The following SKIDA1 variants were observed in gnomAD, a reference collection of about 807,000 sequenced individuals.
SKIDA1 encodes the protein SKI/DACH domain containing 1.
In SKIDA1, 18 loss-of-function variants were observed where a neutral mutation model predicts 51.4. The ratio of observed to expected loss-of-function variants is 0.35; its 90% CI spans 0.24 to 0.52. The LOEUF (loss-of-function observed/expected upper bound fraction) is 0.52, where lower values mean the gene tolerates loss of function less well. Ranked by LOEUF, SKIDA1 falls within the 20% of genes least tolerant of loss-of-function variation. The pLI, the probability that SKIDA1 is intolerant of heterozygous loss-of-function variation, is 0.95. For missense variants in SKIDA1, 1,104 were observed against 1,180.6 expected (o/e 0.94, Z 0.95); for synonymous variants, 579 against 500.5 (o/e 1.16, Z -2.09).
Position 21,516,472 on chromosome 10 carries a change from C to G in SKIDA1, c.1351G>C (p.Asp451His). Residue 451 changes from aspartate to histidine, a missense_variant, in exon 4 of 4, where the codon GAC (aspartate) becomes CAC (histidine). This residue lies in a region of SKIDA1 where 938 missense variants were observed against 886.4 expected (regional missense o/e 1.06). Coordinates refer to ENST00000449193, the MANE Select transcript of SKIDA1 (RefSeq NM_207371.4). This position sits in a 1 kb window ranked among gnomAD's most constrained non-coding sequence, Gnocchi z 5.7. ...SEEEDSSTESDSSSGSSQVSV... is the reference protein window; with the variant it reads ...SEEEDSSTESHSSSGSSQVSV... ...ACTTGGCTGGAGCCGGAGCTGGAGT[C>G]CGACTCGGTGGACGAGTCCTCCTCC... The G allele has an allele frequency of 1.2e-6, 2 of 1,610,994 alleles. No individual in the cohort carries two copies. The highest frequency in any genetic ancestry group is 1.7e-6 in the Non-Finnish European group (2 of 1,179,244).
At position 21,517,126 on chromosome 10, in the gene SKIDA1, C is replaced by CA. The variant is rs2032260528; in HGVS notation, c.696_697insT (p.Ala233CysfsTer206). On this transcript the variant is annotated frameshift_variant, in exon 4 of 4. Coordinates refer to ENST00000449193, the MANE Select transcript of SKIDA1 (RefSeq NM_207371.4). LOFTEE classifies it high-confidence loss of function. The surrounding 1 kb of genome is among the most constrained non-coding windows in gnomAD (Gnocchi z 6.9). ...GCGGCGGCGGCGGCGGCGGCAGCAGCGGCGGCGGCGGCGGCGGCGGCGGCT... is the reference window on the plus strand; with the variant it reads ...GCGGCGGCGGCGGCGGCGGCAGCAGCAGGCGGCGGCGGCGGCGGCGGCGGCT... 8.8e-7 allele frequency: 1 copy of CA among 1,137,908 alleles called. No individual in the cohort carries two copies. The highest frequency in any genetic ancestry group is 1.8e-5 in the African/African-American group (1 of 56,196). The allele number at this position is 1,137,908 out of a possible 1,614,324, so 70.5% of individuals were successfully genotyped here. A position where few individuals can be genotyped will look rare whatever the true frequency, so the allele number is the denominator to read the frequency against.
In SKIDA1 at chr10:21,513,633, CTTTGAT is replaced by C. The variant is rs1356909544; in HGVS notation, c.*1457_*1462del. ...ACCCTAGCATTTGCATGTTGAACTA[CTTTGAT>C]TTTAAGTGCAAATATAGATAGTCAC... On this transcript the variant is annotated 3_prime_UTR_variant, in exon 4 of 4. Coordinates refer to ENST00000449193, the MANE Select transcript of SKIDA1 (RefSeq NM_207371.4). The C allele has an allele frequency of 1.3e-5, 2 of 152,638 alleles. No homozygotes were observed. Among genetic ancestry groups the C allele is most frequent in the Admixed American group, 6.5e-5 (1 of 15,286 alleles). The allele number at this position is 152,638 out of a possible 1,614,324, so 9.5% of individuals were successfully genotyped here. A position where few individuals can be genotyped will look rare whatever the true frequency, so the allele number is the denominator to read the frequency against.
chr10:21,515,916 G>C lies in SKIDA1; in HGVS notation c.1907C>G (p.Ser636Cys). ...AAATTCAGGACAATGAAGGATTTTGGAATATTTTTCTGAATTTGCTTCTGC... is the reference window on the plus strand; with the variant it reads ...AAATTCAGGACAATGAAGGATTTTGCAATATTTTTCTGAATTTGCTTCTGC... Reference protein sequence around the residue: ...SGAEANSEKYSKILHCPEFAT... With the variant: ...SGAEANSEKYCKILHCPEFAT... The change falls in exon 4 of 4, where the codon TCC becomes TGC. Residue 636 changes from serine (S) to cysteine (C), a missense_variant. Ser to Cys is a moderately radical substitution (Grantham distance 112). Transcript: ENST00000449193. The C allele has an allele frequency of 6.2e-7, 1 of 1,614,004 alleles. No individual in the cohort carries two copies. The highest frequency in any genetic ancestry group is 2.2e-5 in the East Asian group (1 of 44,884).
In SKIDA1 at chr10:21,515,996, G is replaced by C; in HGVS notation, c.1827C>G (p.His609Gln). The change falls in exon 4 of 4, where the codon CAC (histidine) becomes CAG (glutamine). Residue 609 changes from histidine (H) to glutamine (Q), a missense_variant. Physicochemically the swap from His to Gln is conservative, Grantham distance 24 (BLOSUM62 0). Transcript: ENST00000449193. Reference protein sequence around the residue: ...RKCLQTTPTTHCADNNTIAAR... With the variant: ...RKCLQTTPTTQCADNNTIAAR... ...CAGCTATTGTGTTGTTATCTGCACA[G>C]TGTGTAGTAGGAGTTGTTTGTAGGC... 6.2e-7 allele frequency: 1 copy of C among 1,614,058 alleles called. No homozygotes were observed. Among genetic ancestry groups the C allele is most frequent in the Non-Finnish European group, 8.5e-7 (1 of 1,179,900 alleles).
chr10:21,523,759 A>C lies in SKIDA1; in HGVS notation c.-2005T>G, dbSNP rs1047422211. On this transcript the variant is annotated 5_prime_UTR_variant, in exon 2 of 4. Transcript: ENST00000449193. ...GGAGAGACAAGACATGAGGAGCCTG[A>C]TGGTCTCTGGAAAGGGAATCCTCTT... 2 of 152,118 alleles carry C rather than the reference A, an allele frequency of 1.3e-5. No individual in the cohort carries two copies. Among genetic ancestry groups the C allele is most frequent in the African/African-American group, 4.8e-5 (2 of 41,406 alleles). The allele number at this position is 152,118 out of a possible 1,614,324, so 9.4% of individuals were successfully genotyped here. A position where few individuals can be genotyped will look rare whatever the true frequency, so the allele number is the denominator to read the frequency against.
chr10:21,517,639 C>T lies in SKIDA1; in HGVS notation c.184G>A (p.Glu62Lys), dbSNP rs767830777. 1.9e-6 allele frequency: 3 copies of T among 1,613,964 alleles called. No homozygotes were observed. Among genetic ancestry groups the T allele is most frequent in the Middle Eastern group, 1.6e-4 (1 of 6,062 alleles). The change falls in exon 4 of 4, where the codon GAG becomes AAG. Residue 62 changes from glutamate (E) to lysine (K), a missense_variant. By Grantham distance (56) the Glu-to-Lys change is moderately conservative. Transcript: ENST00000449193. The surrounding 1 kb of genome is among the most constrained non-coding windows in gnomAD (Gnocchi z 6.9). The part of the protein sequence containing the change: ...LKVKKHHCDL[E>K]ELRKLKAINS... ...ATTGCCTTGAGTTTCCGCAACTCCTCCAGATCGCAGTGGTGCTTCTTCACT... is the reference window on the plus strand; with the variant it reads ...ATTGCCTTGAGTTTCCGCAACTCCTTCAGATCGCAGTGGTGCTTCTTCACT...
chr10:21,522,291 C>CCT (rs1398878067), intron 2 of SKIDA1, among the ~76,000 whole-genome samples: 1 of 52,114 alleles, frequency 1.9e-5, no homozygotes. Context: ...CCCCCCCCCC[C>CCT]GCCACCAGCT....
chr10:21,517,121 A>AGCGGCGGCGGCGGCG lies in SKIDA1; in HGVS notation c.701_702insCGCCGCCGCCGCCGC (p.Ala240_Ala244dup), dbSNP rs1564334998. On this transcript the variant is annotated inframe_insertion, in exon 4 of 4. Transcript: ENST00000449193. The surrounding 1 kb of genome is among the most constrained non-coding windows in gnomAD (Gnocchi z 6.9). Reference sequence around the variant, plus strand: ...CGGCGGCGGCGGCGGCGGCGGCGGCAGCAGCGGCGGCGGCGGCGGCGGCGG... The same window carrying AGCGGCGGCGGCGGCG: ...CGGCGGCGGCGGCGGCGGCGGCGGCAGCGGCGGCGGCGGCGGCAGCGGCGGCGGCGGCGGCGGCGG... 9.3e-7 allele frequency: 1 copy of AGCGGCGGCGGCGGCG among 1,075,600 alleles called. No homozygotes were observed. Among genetic ancestry groups the AGCGGCGGCGGCGGCG allele is most frequent in the African/African-American group, 1.9e-5 (1 of 52,252 alleles). 66.6% of individuals were successfully genotyped at this position (1,075,600 alleles called of 1,614,324 possible).
chr10:21,517,090 AGGCGGCGGCGGCGGCGGC>A lies in SKIDA1; in HGVS notation c.715_732del (p.Ala239_Ala244del), dbSNP rs528652346. On this transcript the variant is annotated inframe_deletion, in exon 4 of 4. Coordinates refer to ENST00000449193, the MANE Select transcript of SKIDA1 (RefSeq NM_207371.4). This position sits in a 1 kb window ranked among gnomAD's most constrained non-coding sequence, Gnocchi z 6.9. The stretch of plus-strand genomic sequence containing the variant: ...GGCCCGGCCGCCGATACCTGGTAAT[AGGCGGCGGCGGCGGCGGC>A]GGCGGCGGCGGCAGCAGCGGCGGCG... The A allele has an allele frequency of 7.1e-6, 7 of 986,050 alleles. 1 individual carries two copies. Among genetic ancestry groups the A allele is most frequent in the African/African-American group, 4.0e-5 (2 of 49,602 alleles). 61.1% of individuals were successfully genotyped at this position (986,050 alleles called of 1,614,324 possible).
chr10:21,517,042 C>A lies in SKIDA1; in HGVS notation c.781G>T (p.Ala261Ser). The A allele has an allele frequency of 9.8e-7, 1 of 1,018,262 alleles. No homozygotes were observed. The highest frequency in any genetic ancestry group is 4.2e-5 in the South Asian group (1 of 24,060). 63.1% of individuals were successfully genotyped at this position (1,018,262 alleles called of 1,614,324 possible). Reference sequence around the variant, plus strand: ...TAGCTCAGGCTCCCCGGGCCTCCGGCGCCCGCCGCTGCCTTGGGCTGGGGC... The same window carrying A: ...TAGCTCAGGCTCCCCGGGCCTCCGGAGCCCGCCGCTGCCTTGGGCTGGGGC... ...AGPQPKAAAG[A>S]GGPGSLSYRC... The change falls in exon 4 of 4, where the codon GCC becomes TCC. Residue 261 changes from alanine (A) to serine (S), a missense_variant. By Grantham distance (99) the Ala-to-Ser change is moderately conservative. Coordinates refer to ENST00000449193, the MANE Select transcript of SKIDA1 (RefSeq NM_207371.4). This position sits in a 1 kb window ranked among gnomAD's most constrained non-coding sequence, Gnocchi z 6.9.
chr10:21,517,010 G>C lies in SKIDA1; in HGVS notation c.813C>G (p.Cys271Trp). The change falls in exon 4 of 4, where the codon TGC (cysteine) becomes TGG (tryptophan). Residue 271 changes from cysteine to tryptophan, a missense_variant. Physicochemically the swap from Cys to Trp is radical, Grantham distance 215. This residue lies in a region of SKIDA1 where 938 missense variants were observed against 886.4 expected (regional missense o/e 1.06). Transcript: ENST00000449193. This position sits in a 1 kb window ranked among gnomAD's most constrained non-coding sequence, Gnocchi z 6.9. Reference sequence around the variant, plus strand: ...CCTTGGCGCCGCCGCGCTTGCGCTTGCAGCGGTAGCTCAGGCTCCCCGGGC... The same window carrying C: ...CCTTGGCGCCGCCGCGCTTGCGCTTCCAGCGGTAGCTCAGGCTCCCCGGGC... ...AGGPGSLSYR[C>W]KRKRGGAKDC... 9.0e-7 allele frequency: 1 copy of C among 1,116,032 alleles called. No individual in the cohort carries two copies. 69.1% of individuals were successfully genotyped at this position (1,116,032 alleles called of 1,614,324 possible). A position where few individuals can be genotyped will look rare whatever the true frequency, so the allele number is the denominator to read the frequency against.
Position 21,515,525 on chromosome 10 carries a change from A to C in SKIDA1, c.2298T>G (p.Pro766=). The C allele has an allele frequency of 1.2e-6, 2 of 1,613,982 alleles. No individual in the cohort carries two copies. The highest frequency in any genetic ancestry group is 1.7e-6 in the Non-Finnish European group (2 of 1,179,888). ...GLSCTLGSPK[P]EDGEYKFGAR... ...CACCAAATTTATATTCCCCATCCTC[A>C]GGTTTTGGAGAACCTAAAGTGCATG... Residue 766 remains proline (P), a synonymous_variant, in exon 4 of 4, where the codon CCT becomes CCG. Transcript: ENST00000449193.
rs570473484 is a variant in SKIDA1 at position 21,518,771 on chromosome 10, C to T, written c.-949G>A. Reference sequence around the variant, plus strand: ...CCCTTACAGGAGTGGGGAAGGAGACCGGCTGGGAGCTCCAAAGTTAAACCC... The same window carrying T: ...CCCTTACAGGAGTGGGGAAGGAGACTGGCTGGGAGCTCCAAAGTTAAACCC... On this transcript the variant is annotated 5_prime_UTR_variant, in exon 4 of 4. Transcript: ENST00000449193. 2 of 166,744 alleles carry T rather than the reference C, an allele frequency of 1.2e-5. No individual in the cohort carries two copies. Among genetic ancestry groups the T allele is most frequent in the South Asian group, 2.1e-4 (1 of 4,796 alleles). 10.3% of individuals were successfully genotyped at this position (166,744 alleles called of 1,614,324 possible).
At chr10:21,522,847 CT>C (rs2032450890) in intron 2 of SKIDA1, among the ~76,000 whole-genome samples, 3 of 151,958 alleles carry the variant, frequency 2.0e-5, no homozygotes, top group African/African-American at 4.8e-5. Context: ...TTTTTGCCCC[CT>C]GACCCATCTT....
intron 1 of SKIDA1, chr10:21,524,565 T>C (rs2032576794): frequency 9.2e-6 from 1 of 108,328 alleles, no homozygotes; most frequent in Admixed American, 1.4e-4. Context: ...ACTTAGAGGG[T>C]CCTAAACGTG....
In SKIDA1 at chr10:21,516,613, T is replaced by C; in HGVS notation, c.1210A>G (p.Ser404Gly). The C allele has an allele frequency of 4.5e-6, 7 of 1,551,788 alleles. No homozygotes were observed. Among genetic ancestry groups the C allele is most frequent in the Non-Finnish European group, 6.1e-6 (7 of 1,147,034 alleles). The change falls in exon 4 of 4, where the codon AGC (serine) becomes GGC (glycine). Residue 404 changes from serine (S) to glycine (G), a missense_variant. Transcript: ENST00000449193. The surrounding 1 kb of genome is among the most constrained non-coding windows in gnomAD (Gnocchi z 5.7). ...NDSDFGSSLS[S>G]SSNSVSSEEE... ...TCTGAGGACACAGAATTGCTGGAGCTGGACAAACTGGAGCCAAAATCCGAG... is the reference window on the plus strand; with the variant it reads ...TCTGAGGACACAGAATTGCTGGAGCCGGACAAACTGGAGCCAAAATCCGAG...
In SKIDA1 at chr10:21,515,109, T is replaced by C; in HGVS notation, c.2714A>G (p.Lys905Arg). 6.3e-7 allele frequency: 1 copy of C among 1,599,822 alleles called. No homozygotes were observed. Among genetic ancestry groups the C allele is most frequent in the Non-Finnish European group, 8.5e-7 (1 of 1,174,506 alleles). The change falls in exon 4 of 4, where the codon AAA becomes AGA. Residue 905 changes from lysine to arginine, a missense_variant. Around this residue, in one of 3 missense-constraint regions of SKIDA1, gnomAD observed 112 missense variants for 168.3 expected, o/e 0.67. Transcript: ENST00000449193. ...IPLPPSHKFR[K>R]FNS is the part of the protein sequence containing the mutation. ...TCCAAAACATTTTTATGAATTAAAT[T>C]TCCTGAATTTGTGACTAGGTGGAAG...
Position 21,516,725 on chromosome 10 carries a change from G to T in SKIDA1, c.1098C>A (p.His366Gln). The change falls in exon 4 of 4, where the codon CAC (histidine) becomes CAA (glutamine). Residue 366 changes from histidine to glutamine, a missense_variant. By Grantham distance (24) the His-to-Gln change is conservative. Coordinates refer to ENST00000449193, the MANE Select transcript of SKIDA1 (RefSeq NM_207371.4). This position sits in a 1 kb window ranked among gnomAD's most constrained non-coding sequence, Gnocchi z 5.7. ...AGCTGCCCAGATGGGGCTGCGGCCGGTGGTGGTGAGGGGGGTGGTGACTCT... is the reference window on the plus strand; with the variant it reads ...AGCTGCCCAGATGGGGCTGCGGCCGTTGGTGGTGAGGGGGGTGGTGACTCT... ...PQQSHHPPHH[H>Q]RPQPHLGSFP... 6.4e-7 allele frequency: 1 copy of T among 1,550,734 alleles called. No homozygotes were observed. Among genetic ancestry groups the T allele is most frequent in the Non-Finnish European group, 8.7e-7 (1 of 1,146,756 alleles).
rs1485086471 is a variant in SKIDA1 at position 21,514,286 on chromosome 10, A to G, written c.*810T>C. The stretch of plus-strand genomic sequence containing the variant: ...TTTGAAGAGTCATGTTCAGACCACA[A>G]GATAAGCAGGACAATAGTAAGAGTC... On this transcript the variant is annotated 3_prime_UTR_variant, in exon 4 of 4. Coordinates refer to ENST00000449193, the MANE Select transcript of SKIDA1 (RefSeq NM_207371.4). 6.6e-6 allele frequency: 1 copy of G among 151,996 alleles called. No homozygotes were observed. The highest frequency in any genetic ancestry group is 1.5e-5 in the Non-Finnish European group (1 of 68,000). The allele number at this position is 151,996 out of a possible 1,614,324, so 9.4% of individuals were successfully genotyped here.
Sources: allele counts gnomAD v4.1 joint callset (sites outside exome capture counted in the v4.1 genomes callset), GRCh38; gene constraint gnomAD v4.1.1; regional missense constraint gnomAD v4.1.1; non-coding constraint Gnocchi (gnomAD v3.1); transcripts MANE v1.5; gene names NCBI Gene and HGNC (gene_info 2026-07-23, HGNC 2026-07-21).